LGSN: variants seen among roughly 807,000 people sequenced by gnomAD.
The protein encoded by LGSN is lengsin, lens protein with glutamine synthetase domain, also known as lengsin.
Under a neutral mutation model 19.5 loss-of-function variants are expected in LGSN, and 21 were observed. That is an observed-to-expected ratio of 1.07 (90% CI 0.76 to 1.55). The LOEUF (loss-of-function observed/expected upper bound fraction) is 1.55, where lower values mean the gene tolerates loss of function less well. Among genes scored for constraint, LGSN ranks in the 40% most tolerant of loss-of-function variants. The pLI is 0.00. For synonymous variants in LGSN, 257 were observed against 215.6 expected, an observed-to-expected ratio of 1.19 and a Z score of -1.68; for missense variants, 673 against 608.5, an observed-to-expected ratio of 1.11 and a Z score of -1.12.
At chr6:63,374,662 G>A in the LGSN span, among the ~76,000 whole-genome samples, 1 of 152,218 alleles carries the variant, frequency 6.6e-6, no homozygotes, top group Admixed American at 6.5e-5. Flanking sequence ...CAAGACAAAA[G>A]TGTTGTCTTA....
At chr6:63,305,128 T>C (rs947094131) in intron 1 of LGSN, among the ~76,000 whole-genome samples, 1 of 152,152 alleles carries the variant, frequency 6.6e-6, no homozygotes, top group Non-Finnish European at 1.5e-5. Context: ...AGAAGATAGA[T>C]TCCAAAACAG....
At chr6:63,503,796 G>A in the LGSN span, among the ~76,000 whole-genome samples, 1 of 152,094 alleles carries the variant, frequency 6.6e-6, no homozygotes, top group Non-Finnish European at 1.5e-5. Flanking sequence ...CCTGCCTCTA[G>A]TCTCAGCTAC....
chr6:63,342,086 G>A, the LGSN span, among the ~76,000 whole-genome samples: 1 of 152,208 alleles, frequency 6.6e-6, no homozygotes, highest in Non-Finnish European at 1.5e-5. Context: ...TCCCATGGGT[G>A]ATATCAATGG....
the LGSN span, among the ~76,000 whole-genome samples, chr6:63,458,053 T>C: frequency 6.6e-6 from 1 of 151,164 alleles, no homozygotes; most frequent in South Asian, 2.1e-4. Context: ...ATTTCATTTA[T>C]TTTTATTTTT....
chr6:63,547,378 T>C, the LGSN span, among the ~76,000 whole-genome samples: 1 of 150,406 alleles, frequency 6.6e-6, no homozygotes, highest in Admixed American at 6.7e-5. Flanking sequence ...TTAGTAGAGA[T>C]AGGATTTCAC....
At chr6:63,484,711 T>C in the LGSN span, among the ~76,000 whole-genome samples, 1 of 152,192 alleles carries the variant, frequency 6.6e-6, no homozygotes, top group Non-Finnish European at 1.5e-5. Flanking sequence ...AAGGTACATA[T>C]TAAAAGATGA....
chr6:63,327,731 T>A, the LGSN span, among the ~76,000 whole-genome samples: 1 of 152,234 alleles, frequency 6.6e-6, no homozygotes, highest in African/African-American at 2.4e-5. Flanking sequence ...GTTTTTTCTT[T>A]ACTACTTCCA....
At chr6:63,322,294 C>T (rs1294684693), upstream of LGSN, among the ~76,000 whole-genome samples, 4 of 152,094 alleles carry the variant, frequency 2.6e-5, no homozygotes, top group Non-Finnish European at 5.9e-5. Flanking sequence ...CTTGTCTTCC[C>T]AGCACTAACT....
chr6:63,465,109 A>G, the LGSN span, among the ~76,000 whole-genome samples: 2 of 150,764 alleles, frequency 1.3e-5, no homozygotes, highest in African/African-American at 4.9e-5. Flanking sequence ...TTCAAGTCCT[A>G]TCTATCTGTA....
At chr6:63,549,965 C>T in the LGSN span, among the ~76,000 whole-genome samples, 1 of 152,020 alleles carries the variant, frequency 6.6e-6, no homozygotes, top group African/African-American at 2.4e-5. Flanking sequence ...ATTGAATGTT[C>T]ACAACATAAA....
intron 2 of LGSN, among the ~76,000 whole-genome samples, chr6:63,292,558 C>T (rs532846267): frequency 5.9e-5 from 9 of 152,282 alleles, no homozygotes; most frequent in South Asian, 2.1e-4. Flanking sequence ...ATCCCCAAAG[C>T]GGCTGGAGAG....
At chr6:63,493,216 C>A in the LGSN span, among the ~76,000 whole-genome samples, 4 of 152,138 alleles carry the variant, frequency 2.6e-5, no homozygotes, top group African/African-American at 9.7e-5. Context: ...CACAAAGACC[C>A]CGGGTTGGTT....
intron 1 of LGSN, among the ~76,000 whole-genome samples, chr6:63,319,268 T>C (rs908697819): frequency 6.6e-6 from 1 of 152,222 alleles, no homozygotes; most frequent in African/African-American, 2.4e-5. Flanking sequence ...CTTCTTGCAT[T>C]ATATTTTCTT....
the LGSN span, among the ~76,000 whole-genome samples, chr6:63,362,111 A>T: frequency 6.6e-6 from 1 of 152,158 alleles, no homozygotes; most frequent in Admixed American, 6.5e-5. Context: ...TGATAACAAT[A>T]CCTTCTTCTG....
At chr6:63,412,754 A>AGAAAGGAAGGGAAGGAAGGAAGGAAG in the LGSN span, among the ~76,000 whole-genome samples, 1 of 70,502 alleles carries the variant, frequency 1.4e-5, no homozygotes, top group African/African-American at 9.9e-5. Flanking sequence ...AAAGAAAGAA[A>AGAAAGGAAGGGAAGGAAGGAAGGAAG]GAAAGAAAGA....
chr6:63,546,258 AT>A, the LGSN span, among the ~76,000 whole-genome samples: 4 of 152,228 alleles, frequency 2.6e-5, no homozygotes, highest in Non-Finnish European at 5.9e-5. Context: ...CCTGGAGGAC[AT>A]TTTGCTAAGT....
chr6:63,526,803 GTATA>G, the LGSN span, among the ~76,000 whole-genome samples: 619 of 101,422 alleles, frequency 6.1e-3, 6 homozygotes, highest in Middle Eastern at 0.017. Flanking sequence ...TCTCAAAAAT[GTATA>G]TATATATATA....
At chr6:63,508,439 T>C in the LGSN span, among the ~76,000 whole-genome samples, 2 of 152,192 alleles carry the variant, frequency 1.3e-5, no homozygotes, top group Admixed American at 1.3e-4. Flanking sequence ...AGCTAAAAAG[T>C]TGTATGAATT....
the LGSN span, among the ~76,000 whole-genome samples, chr6:63,501,234 G>A: frequency 0.04 from 6,047 of 151,768 alleles, 414 homozygotes; most frequent in African/African-American, 0.14. Context: ...TTAGCCAGGC[G>A]TAGTGTAGTC....
Sources: gnomAD v4.1 joint callset for allele counts (sites outside exome capture counted in the v4.1 genomes callset) on GRCh38, gnomAD v4.1.1 for gene constraint, MANE v1.5 for transcripts, NCBI Gene and HGNC (gene_info 2026-07-23, HGNC 2026-07-21) for gene names.